Variants in SAMD15 observed in about 807,000 individuals in gnomAD.
SAMD15 encodes sterile alpha motif domain-containing protein 15.
A neutral mutation model predicts 50.5 loss-of-function variants in SAMD15; 37 were observed. The observed-to-expected ratio is 0.73, with a 90% CI of 0.56 to 0.96. The LOEUF is 0.96. SAMD15 is among the 40% of genes least tolerant of loss of function. SAMD15 has a pLI of 0.00. For synonymous variants in SAMD15, 255 were observed against 282.8 expected, an observed-to-expected ratio of 0.90 and a Z score of 0.99; for missense variants, 789 against 783.8, an observed-to-expected ratio of 1.01 and a Z score of -0.08.
chr14:77,380,939 A>G (rs1462804887), intron 2 of SAMD15, among the ~76,000 whole-genome samples: 1 of 150,338 alleles, frequency 6.7e-6, no homozygotes, highest in Non-Finnish European at 1.5e-5. Flanking sequence ...CTCCCCTACC[A>G]CTCCTCCACA....
intron 1 of SAMD15, 40 bp from the exon 2 acceptor site, chr14:77,380,343 G>T (rs1234871704): frequency 2.5e-6 from 3 of 1,201,274 alleles, no homozygotes; most frequent in Non-Finnish European, 3.7e-6. Context: ...CCTTCTATTT[G>T]CAGTACATTT....
chr14:77,388,811 G>A (rs2139653396), intron 2 of SAMD15, among the ~76,000 whole-genome samples: 1 of 152,204 alleles, frequency 6.6e-6, no homozygotes, highest in African/African-American at 2.4e-5. Flanking sequence ...ATTTTGCCAT[G>A]TTGGCCAGGT....
chr14:77,378,707 CTAAG>C lies in SAMD15; in HGVS notation c.1292_1295del (p.Lys431IlefsTer3). ...GAAGACAGGCCAGAACCAATAAAGT[CTAAG>C]TATTCTGTAGGAAACGATGAGCTAG... On this transcript the variant is annotated frameshift_variant, in exon 1 of 3. Coordinates refer to ENST00000216471, the MANE Select transcript of SAMD15 (RefSeq NM_001010860.4). LOFTEE classifies it high-confidence loss of function. The C allele has an allele frequency of 6.2e-7, 1 of 1,613,972 alleles. No homozygotes were observed. Among genetic ancestry groups the C allele is most frequent in the South Asian group, 1.1e-5 (1 of 91,028 alleles).
At chr14:77,385,455 T>C (rs1893994405) in intron 2 of SAMD15, among the ~76,000 whole-genome samples, 1 of 151,764 alleles carries the variant, frequency 6.6e-6, no homozygotes, top group Admixed American at 6.6e-5. Context: ...CTGGCCAATT[T>C]TTTTTGTATT....
At chr14:77,385,544 C>T (rs931428802) in intron 2 of SAMD15, among the ~76,000 whole-genome samples, 14 of 152,114 alleles carry the variant, frequency 9.2e-5, no homozygotes, top group African/African-American at 3.4e-4. Flanking sequence ...CTGTCTTGGC[C>T]TCCCAAAGTG....
Position 77,378,805 on chromosome 14 carries a change from G to C in SAMD15, c.1387G>C (p.Gly463Arg), listed in dbSNP as rs1431259897. 6 of 1,613,168 alleles carry C rather than the reference G, an allele frequency of 3.7e-6. No individual in the cohort carries two copies. The South Asian group carries it at 6.6e-5, about 18-fold the overall frequency. ...ATTTAGAAAAGAATATTACGCATTA[G>C]GATCTCTCAGAGAAAGTGAAGAATC... ...DKFRKEYYAL[G>R]SLRESEESIG... Residue 463 changes from glycine to arginine, a missense_variant, in exon 1 of 3, where the codon GGA (glycine) becomes CGA (arginine). Gly to Arg is a moderately radical substitution (Grantham distance 125). Coordinates refer to ENST00000216471, the MANE Select transcript of SAMD15 (RefSeq NM_001010860.4).
intron 2 of SAMD15, among the ~76,000 whole-genome samples, chr14:77,386,781 C>T (rs745870544): frequency 6.6e-6 from 1 of 152,098 alleles, no homozygotes. Flanking sequence ...GAGGTAATAA[C>T]CAATACACAA....
In SAMD15 at chr14:77,377,442, T is replaced by C; in HGVS notation, c.24T>C (p.Tyr8=). The C allele has an allele frequency of 6.2e-7, 1 of 1,611,172 alleles. No individual in the cohort carries two copies. Among genetic ancestry groups the C allele is most frequent in the African/African-American group, 1.3e-5 (1 of 74,810 alleles). MAEVPED[Y]DSGPDEDGEL... ...AAATGGCTGAAGTCCCGGAGGATTA[T>C]GATTCCGGCCCAGATGAAGATGGAG... Residue 8 remains tyrosine (Y), a synonymous_variant, in exon 1 of 3, where the codon TAT becomes TAC. Coordinates refer to ENST00000216471, the MANE Select transcript of SAMD15 (RefSeq NM_001010860.4).
chr14:77,377,829 A>T lies in SAMD15; in HGVS notation c.411A>T (p.Pro137=). 6.2e-7 allele frequency: 1 copy of T among 1,614,088 alleles called. No individual in the cohort carries two copies. The highest frequency in any genetic ancestry group is 1.3e-5 in the African/African-American group (1 of 75,054). Residue 137 remains proline, a synonymous_variant, in exon 1 of 3, where the codon CCA becomes CCT. Transcript: ENST00000216471. ...CGCATAAAGAGTCAGACCTAGAGCCACCAGAGGAGGCTAAACCAAATGTTA... is the reference window on the plus strand; with the variant it reads ...CGCATAAAGAGTCAGACCTAGAGCCTCCAGAGGAGGCTAAACCAAATGTTA... ...DETHKESDLE[P]PEEAKPNVTE...
intron 2 of SAMD15, among the ~76,000 whole-genome samples, chr14:77,386,218 G>C (rs1294026193): frequency 1.3e-5 from 2 of 151,880 alleles, no homozygotes; most frequent in African/African-American, 2.4e-5. Context: ...GTGTAGTTCT[G>C]TGGGTTTTGA....
chr14:77,385,552 G>T (rs950116644), intron 2 of SAMD15, among the ~76,000 whole-genome samples: 1 of 152,068 alleles, frequency 6.6e-6, no homozygotes, highest in African/African-American at 2.4e-5. Context: ...GCCTCCCAAA[G>T]TGCTGGGATT....
intron 2 of SAMD15, among the ~76,000 whole-genome samples, chr14:77,388,665 G>A (rs1296901927): frequency 1.3e-5 from 2 of 151,714 alleles, no homozygotes; most frequent in East Asian, 1.9e-4. Context: ...TTGGAGTGCA[G>A]TGGTGCGATC....
In SAMD15 at chr14:77,379,063, G is replaced by A. The variant is rs770683865; in HGVS notation, c.1645G>A (p.Glu549Lys). 1 of 1,613,964 alleles carries A rather than the reference G, an allele frequency of 6.2e-7. No homozygotes were observed. Among genetic ancestry groups the A allele is most frequent in the Admixed American group, 1.7e-5 (1 of 60,024 alleles). Reference protein sequence around the residue: ...QFEHLNWDPEEVAEWISQLGF... With the variant: ...QFEHLNWDPEKVAEWISQLGF... ...TGAGCATCTTAATTGGGATCCAGAG[G>A]AAGTTGCAGAGTGGATTAGCCAGCT... Residue 549 changes from glutamate to lysine, a missense_variant, in exon 1 of 3, where the codon GAA becomes AAA. By Grantham distance (56) the Glu-to-Lys change is moderately conservative. This residue lies in a region of SAMD15 where 770 missense variants were observed against 745.4 expected (regional missense o/e 1.03). Coordinates refer to ENST00000216471, the MANE Select transcript of SAMD15 (RefSeq NM_001010860.4).
rs974785526 is a variant in SAMD15, at chr14:77,380,414, G to A, written c.1721G>A (p.Arg574Gln). The change falls in exon 2 of 3, where the codon CGA becomes CAA. Residue 574 changes from arginine (R) to glutamine (Q), a missense_variant. Arg to Gln is a conservative substitution (Grantham distance 43, BLOSUM62 1). Around this residue, in one of 2 missense-constraint regions of SAMD15, gnomAD observed 770 missense variants for 745.4 expected, o/e 1.03. Coordinates refer to ENST00000216471, the MANE Select transcript of SAMD15 (RefSeq NM_001010860.4). ...ECFITNFISG[R>Q]KLIHVNCSNL... ...TTTATCACAAACTTCATCAGTGGCC[G>A]AAAACTCATTCACGTCAACTGCTCA... 1.7e-5 allele frequency: 28 copies of A among 1,613,490 alleles called. No individual in the cohort carries two copies. The African/African-American group carries it at 1.7e-4, about 10-fold the overall frequency.
chr14:77,388,565 A>C (rs1004155238), intron 2 of SAMD15, among the ~76,000 whole-genome samples: 2 of 149,938 alleles, frequency 1.3e-5, no homozygotes, highest in African/African-American at 4.9e-5. Flanking sequence ...ACAGGCATGC[A>C]ACTTCACGAC....
Position 77,377,594 on chromosome 14 carries a change from C to A in SAMD15, c.176C>A (p.Thr59Asn). ...AEIYQEPQPE[T>N]EEEDFKEGEP... ...ATTTACCAAGAGCCACAGCCAGAGA[C>A]CGAGGAAGAGGACTTCAAAGAGGGG... The change falls in exon 1 of 3, where the codon ACC becomes AAC. Residue 59 changes from threonine to asparagine, a missense_variant. Physicochemically the swap from Thr to Asn is moderately conservative, Grantham distance 65. This residue lies in a region of SAMD15 where 770 missense variants were observed against 745.4 expected (regional missense o/e 1.03). Transcript: ENST00000216471. The A allele has an allele frequency of 6.2e-7, 1 of 1,614,092 alleles. No individual in the cohort carries two copies. The highest frequency in any genetic ancestry group is 8.5e-7 in the Non-Finnish European group (1 of 1,180,020).
Position 77,378,132 on chromosome 14 carries a change from A to G in SAMD15, c.714A>G (p.Pro238=). 2.5e-6 allele frequency: 4 copies of G among 1,613,924 alleles called. No homozygotes were observed. The highest frequency in any genetic ancestry group is 3.4e-6 in the Non-Finnish European group (4 of 1,179,986). ...TDLQPPKMTK[P]ETPEETQRES... ...TTCAGCCACCAAAGATGACCAAACC[A>G]GAGACTCCAGAGGAGACACAAAGAG... The change falls in exon 1 of 3, where the codon CCA becomes CCG. Residue 238 remains proline, a synonymous_variant. Transcript: ENST00000216471.
chr14:77,380,346 G>GT, intron 1 of SAMD15, 37 bp from the exon 2 acceptor site: 1 of 1,287,066 alleles, frequency 7.8e-7, no homozygotes, highest in South Asian at 1.2e-5. Context: ...TCTATTTGCA[G>GT]TACATTTTTT....
chr14:77,390,754 G>A (rs1894062662), intron 2 of SAMD15, among the ~76,000 whole-genome samples: 1 of 152,124 alleles, frequency 6.6e-6, no homozygotes, highest in African/African-American at 2.4e-5. Flanking sequence ...GCCAGGCGTG[G>A]TGGTGTGCGC....
Sources: gnomAD v4.1 joint callset for allele counts (sites outside exome capture counted in the v4.1 genomes callset) on GRCh38, gnomAD v4.1.1 for gene constraint, gnomAD v4.1.1 regional missense constraint, MANE v1.5 for transcripts, NCBI Gene and HGNC (gene_info 2026-07-23, HGNC 2026-07-21) for gene names.